Variants in PTPRD observed in about 807,000 individuals in gnomAD.
PTPRD encodes the protein protein tyrosine phosphatase receptor type D, also known as receptor-type tyrosine-protein phosphatase delta.
Under a neutral mutation model 214.5 loss-of-function variants are expected in PTPRD, and 34 were observed. That is an observed-to-expected ratio of 0.16 (90% CI 0.12 to 0.21). The LOEUF (loss-of-function observed/expected upper bound fraction) is 0.21. Ranked by LOEUF, PTPRD falls within the 10% of genes least tolerant of loss-of-function variation. The probability of loss-of-function intolerance (pLI) is 1.00; values close to 1 mark genes in which losing one functional copy is unlikely to be tolerated. For missense variants in PTPRD, 2,545 were observed against 2,398.7 expected (o/e 1.06, Z -1.27); for synonymous variants, 1,128 against 845.7 (o/e 1.33, Z -5.79).
chr9:9,086,337 G>C (rs997797891), intron 10 of PTPRD, among the ~76,000 whole-genome samples: 1 of 152,140 alleles, frequency 6.6e-6, no homozygotes, highest in Non-Finnish European at 1.5e-5. Context: ...AACGCATGCT[G>C]TTCATTATGG....
intron 8 of PTPRD, among the ~76,000 whole-genome samples, chr9:9,567,423 C>T (rs1479414937): frequency 6.6e-6 from 1 of 151,920 alleles, no homozygotes; most frequent in African/African-American, 2.4e-5. Flanking sequence ...AGAAATTATT[C>T]TCTTGAAGAT....
Position 8,485,747 on chromosome 9 carries a change from G to T in PTPRD, c.3055+15C>A. On this transcript the variant is annotated intron_variant, in intron 28 of 45. Transcript: ENST00000381196. ...ATCCTTTAAAGGAGGAAGGCCGTAA[G>T]CAGACAAATCCTACCTTGATCCACA... The T allele has an allele frequency of 6.3e-7, 1 of 1,594,990 alleles. No individual in the cohort carries two copies. Among genetic ancestry groups the T allele is most frequent in the Non-Finnish European group, 8.6e-7 (1 of 1,168,928 alleles).
chr9:9,767,124 G>C (rs540985262), intron 5 of PTPRD, among the ~76,000 whole-genome samples: 1 of 149,472 alleles, frequency 6.7e-6, no homozygotes, highest in South Asian at 2.1e-4. Context: ...AAACTTTCCA[G>C]GAAAAAATTA....
At chr9:8,698,593 G>T (rs1378075274) in intron 12 of PTPRD, among the ~76,000 whole-genome samples, 1 of 152,092 alleles carries the variant, frequency 6.6e-6, no homozygotes, top group African/African-American at 2.4e-5. Context: ...AAACAACAAA[G>T]GATACGTTTT....
intron 4 of PTPRD, among the ~76,000 whole-genome samples, chr9:10,024,084 G>T (rs183187537): frequency 6.6e-6 from 1 of 151,968 alleles, no homozygotes; most frequent in Non-Finnish European, 1.5e-5. Flanking sequence ...ATTTCCAAAT[G>T]TCATGTGAAA....
chr9:8,979,687 A>G (rs1402924154), intron 11 of PTPRD, among the ~76,000 whole-genome samples: 6 of 152,154 alleles, frequency 3.9e-5, no homozygotes, highest in Admixed American at 2.0e-4. Flanking sequence ...CCAGTATCAG[A>G]TATTACCTCA....
At chr9:9,866,702 T>C (rs998741179) in intron 5 of PTPRD, among the ~76,000 whole-genome samples, 1 of 152,150 alleles carries the variant, frequency 6.6e-6, no homozygotes, top group African/African-American at 2.4e-5. Context: ...ATTTCTTAGA[T>C]AATTGTGAAT....
At chr9:9,001,237 C>T (rs1268962741) in intron 11 of PTPRD, among the ~76,000 whole-genome samples, 1 of 151,904 alleles carries the variant, frequency 6.6e-6, no homozygotes, top group East Asian at 1.9e-4. Context: ...AGAAAATTTC[C>T]CCACATGTTT....
intron 11 of PTPRD, among the ~76,000 whole-genome samples, chr9:8,870,554 G>C (rs529225019): frequency 6.6e-6 from 1 of 152,164 alleles, no homozygotes; most frequent in South Asian, 2.1e-4. Context: ...TAATGCCCTC[G>C]TGTGTAACAA....
At chr9:8,365,521 G>C (rs1434589601) in intron 39 of PTPRD, among the ~76,000 whole-genome samples, 1 of 152,050 alleles carries the variant, frequency 6.6e-6, no homozygotes, top group African/African-American at 2.4e-5. Context: ...ATCGAGCCTG[G>C]GGAGGGAAAT....
intron 3 of PTPRD, among the ~76,000 whole-genome samples, chr9:10,181,942 T>TAAAAAAAAAAAA (rs3075573): frequency 7.8e-5 from 3 of 38,516 alleles, no homozygotes; most frequent in Non-Finnish European, 1.7e-4. Context: ...TCATAAATAC[T>TAAAAAAAAAAAA]AAAAAAAAAA....
intron 5 of PTPRD, among the ~76,000 whole-genome samples, chr9:9,776,656 T>A (rs1449367195): frequency 6.6e-6 from 1 of 152,216 alleles, no homozygotes. Flanking sequence ...ACATGCTAGT[T>A]TAACAACCTA....
chr9:10,206,463 C>G (rs1350026472), intron 3 of PTPRD, among the ~76,000 whole-genome samples: 1 of 152,088 alleles, frequency 6.6e-6, no homozygotes, highest in Admixed American at 6.6e-5. Context: ...TGAAACAGTC[C>G]TCATGAGAGT....
intron 9 of PTPRD, among the ~76,000 whole-genome samples, chr9:9,264,201 C>G (rs1937863553): frequency 6.6e-6 from 1 of 151,560 alleles, no homozygotes. Flanking sequence ...TTTCAGTATC[C>G]AACCTAAAAG....
At chr9:9,300,972 A>C (rs1479117674) in intron 9 of PTPRD, among the ~76,000 whole-genome samples, 1 of 151,718 alleles carries the variant, frequency 6.6e-6, no homozygotes, top group Non-Finnish European at 1.5e-5. Context: ...TTCCCACTAG[A>C]GTGTGAACTC....
At chr9:9,506,454 C>G (rs1023964279) in intron 8 of PTPRD, among the ~76,000 whole-genome samples, 2 of 151,278 alleles carry the variant, frequency 1.3e-5, no homozygotes, top group African/African-American at 4.8e-5. Context: ...TCTTTAGAAT[C>G]CTGCCTTTTT....
chr9:9,132,662 G>C (rs977376033), intron 10 of PTPRD, among the ~76,000 whole-genome samples: 4 of 152,164 alleles, frequency 2.6e-5, no homozygotes, highest in Non-Finnish European at 4.4e-5. Context: ...AAGGATGTTT[G>C]ATTTTAATGC....
intron 2 of PTPRD, among the ~76,000 whole-genome samples, chr9:10,431,589 GA>G (rs1443998335): frequency 7.9e-5 from 12 of 151,406 alleles, no homozygotes; most frequent in Non-Finnish European, 1.6e-4. Context: ...AAATTTACAA[GA>G]AAAAAACAAA....
chr9:9,702,604 G>T (rs922850608), intron 7 of PTPRD, among the ~76,000 whole-genome samples: 1 of 152,146 alleles, frequency 6.6e-6, no homozygotes, highest in Non-Finnish European at 1.5e-5. Flanking sequence ...GCCACTTTTT[G>T]AGAAAACTGG....
Sources: gnomAD v4.1 joint callset for allele counts (sites outside exome capture counted in the v4.1 genomes callset) on GRCh38, gnomAD v4.1.1 for gene constraint, MANE v1.5 for transcripts, NCBI Gene and HGNC (gene_info 2026-07-23, HGNC 2026-07-21) for gene names.